The following CFAP276 variants were observed in gnomAD, a reference collection of about 807,000 sequenced individuals.
The protein encoded by CFAP276 is cilia and flagella associated protein 276, also known as cilia- and flagella-associated protein 276.
At chr1:109,112,574 G>A in the CFAP276 span, 9 of 1,549,690 alleles carry the variant, frequency 5.8e-6, no homozygotes, top group Admixed American at 1.6e-4. Flanking sequence ...ACCCTACTGG[G>A]AATCTGCGCA....
At chr1:109,107,486 G>A in the CFAP276 span, among the ~76,000 whole-genome samples, 27 of 152,256 alleles carry the variant, frequency 1.8e-4, no homozygotes, top group East Asian at 4.8e-3. Context: ...AAGCCTTCTG[G>A]CTTCCCAGAG....
chr1:109,113,553 C>T, the CFAP276 span: 1 of 1,476,130 alleles, frequency 6.8e-7, no homozygotes, highest in South Asian at 1.1e-5. Flanking sequence ...GGCTTCTCTT[C>T]TAGCCGGTTG....
At chr1:109,109,662 G>A in the CFAP276 span, among the ~76,000 whole-genome samples, 3 of 147,050 alleles carry the variant, frequency 2.0e-5, no homozygotes, top group South Asian at 2.2e-4. Flanking sequence ...TTAGCCTCCC[G>A]AATAGCTAGG....
chr1:109,107,910 A>G, the CFAP276 span: 1 of 1,592,924 alleles, frequency 6.3e-7, no homozygotes, highest in South Asian at 1.1e-5. Context: ...TAATATTTCA[A>G]TGCTAGGTAC....
the CFAP276 span, chr1:109,107,060 G>A: frequency 3.1e-6 from 5 of 1,614,124 alleles, no homozygotes. Flanking sequence ...TTTTGTTCTT[G>A]AATGTCCCAG....
the CFAP276 span, among the ~76,000 whole-genome samples, chr1:109,109,533 CTTTT>C: frequency 0.12 from 13,984 of 114,046 alleles, 769 homozygotes; most frequent in East Asian, 0.34. Flanking sequence ...TGAGCCATAC[CTTTT>C]TTTTTTTTTT....
At chr1:109,113,648 G>C in the CFAP276 span, 5 of 1,614,080 alleles carry the variant, frequency 3.1e-6, no homozygotes, top group Non-Finnish European at 4.2e-6. Context: ...CCTCTTCCAG[G>C]CGACGACGTC....
chr1:109,107,054 G>A, the CFAP276 span: 1 of 1,614,180 alleles, frequency 6.2e-7, no homozygotes, highest in Non-Finnish European at 8.5e-7. Flanking sequence ...TCTCACTTTT[G>A]TTCTTGAATG....
chr1:109,113,825 G>C, the CFAP276 span: 1 of 790,864 alleles, frequency 1.3e-6, no homozygotes, highest in Non-Finnish European at 1.9e-6. Flanking sequence ...CCCCGGGCCT[G>C]CCTGTTGGGC....
chr1:109,113,827 C>T, the CFAP276 span: 1 of 794,456 alleles, frequency 1.3e-6, no homozygotes, highest in Non-Finnish European at 1.9e-6. Flanking sequence ...CCGGGCCTGC[C>T]TGTTGGGCCG....
At chr1:109,108,104 T>G in the CFAP276 span, 2 of 1,115,378 alleles carry the variant, frequency 1.8e-6, no homozygotes, top group South Asian at 1.2e-5. Flanking sequence ...GTGGTTAGCT[T>G]CAGTAGCATC....
chr1:109,113,585 C>A, the CFAP276 span: 2 of 1,592,680 alleles, frequency 1.3e-6, no homozygotes, highest in Non-Finnish European at 1.7e-6. Flanking sequence ...ATGGATTTGG[C>A]GGGATGTAAG....
At chr1:109,108,494 G>C in the CFAP276 span, among the ~76,000 whole-genome samples, 12 of 152,084 alleles carry the variant, frequency 7.9e-5, no homozygotes, top group Admixed American at 7.9e-4. Flanking sequence ...GAATGGTATG[G>C]GGCAAGACTC....
chr1:109,111,485 AT>A, the CFAP276 span, among the ~76,000 whole-genome samples: 5 of 151,430 alleles, frequency 3.3e-5, no homozygotes, highest in Admixed American at 6.6e-5. Context: ...AAAAAAAAAA[AT>A]ATCCCACAAT....
the CFAP276 span, chr1:109,108,078 G>A: frequency 1.5e-5 from 21 of 1,418,378 alleles, 1 homozygote; most frequent in Middle Eastern, 1.8e-4. Context: ...CTGGTTATAC[G>A]GGAAGCCTTG....
the CFAP276 span, chr1:109,107,841 G>T: frequency 8.6e-7 from 1 of 1,169,176 alleles, no homozygotes; most frequent in Non-Finnish European, 1.2e-6. Context: ...TCAGGCCACA[G>T]CATTCCACCC....
the CFAP276 span, among the ~76,000 whole-genome samples, chr1:109,109,754 C>T: frequency 2.0e-5 from 3 of 151,902 alleles, no homozygotes; most frequent in East Asian, 5.8e-4. Flanking sequence ...CCAGACTGGT[C>T]TCAAACTCCT....
the CFAP276 span, among the ~76,000 whole-genome samples, chr1:109,113,469 G>GAGAGAGAGA: frequency 1.3e-4 from 10 of 74,928 alleles, 1 homozygote; most frequent in Admixed American, 2.6e-4. Flanking sequence ...AGAGAGAGAG[G>GAGAGAGAGA]CCCACGTGCG....
At chr1:109,112,562 C>T in the CFAP276 span, 6 of 1,548,400 alleles carry the variant, frequency 3.9e-6, no homozygotes, top group Non-Finnish European at 5.2e-6. Context: ...AGACTACCGG[C>T]GACCCTACTG....
Sources: allele counts gnomAD v4.1 joint callset (sites outside exome capture counted in the v4.1 genomes callset), GRCh38; gene constraint gnomAD v4.1.1; transcripts MANE v1.5; gene names NCBI Gene and HGNC (gene_info 2026-07-23, HGNC 2026-07-21).